Variants in SLC25A12 observed in about 807,000 individuals in gnomAD.
SLC25A12 encodes solute carrier family 25 member 12.
In SLC25A12, 32 loss-of-function variants were observed where a neutral mutation model predicts 83.3. The ratio of observed to expected loss-of-function variants is 0.38; its 90% CI spans 0.29 to 0.52. The LOEUF (loss-of-function observed/expected upper bound fraction) is 0.52. Ranked by LOEUF, SLC25A12 falls within the 20% of genes least tolerant of loss-of-function variation. The probability of loss-of-function intolerance (pLI) is 0.84; values close to 1 mark genes in which losing one functional copy is unlikely to be tolerated. For synonymous variants in SLC25A12, 267 were observed against 291.1 expected, an observed-to-expected ratio of 0.92 and a Z score of 0.84; for missense variants, 611 against 835.6, an observed-to-expected ratio of 0.73 and a Z score of 3.31.
intron 8 of SLC25A12, among the ~76,000 whole-genome samples, chr2:171,833,317 T>A (rs553639468): frequency 2.0e-5 from 3 of 152,132 alleles, no homozygotes; most frequent in Non-Finnish European, 4.4e-5. Context: ...TTTATGAAGA[T>A]CACGTCTCTC....
intron 2 of SLC25A12, among the ~76,000 whole-genome samples, chr2:171,877,817 A>G (rs1172650345): frequency 6.6e-6 from 1 of 152,098 alleles, no homozygotes; most frequent in Non-Finnish European, 1.5e-5. Flanking sequence ...AAGCCCAAAC[A>G]CTCTAAATGA....
At chr2:171,827,375 G>T (rs1202219368) in intron 8 of SLC25A12, among the ~76,000 whole-genome samples, 1 of 152,074 alleles carries the variant, frequency 6.6e-6, no homozygotes, top group East Asian at 1.9e-4. Flanking sequence ...AGGAGAATAG[G>T]GTCTGGAGAC....
At position 171,856,658 on chromosome 2, in the gene SLC25A12, CT is replaced by C. The variant is rs1685052445; in HGVS notation, c.210-710del. Reference sequence around the variant, plus strand: ...CATTCCAATTTTATTATATGTGCTGCTGAGGCAAGCACAGGGAATCTCAATC... The same window carrying C: ...CATTCCAATTTTATTATATGTGCTGCGAGGCAAGCACAGGGAATCTCAATC... On this transcript the variant is annotated intron_variant, in intron 3 of 17. Coordinates refer to ENST00000422440, the MANE Select transcript of SLC25A12 (RefSeq NM_003705.5). 6 of 152,024 alleles carry C rather than the reference CT, an allele frequency of 3.9e-5. No individual in the cohort carries two copies. In the South Asian group the frequency reaches 1.2e-3, roughly 32 times the overall value. The allele number at this position is 152,024 out of a possible 1,614,324, so 9.4% of individuals were successfully genotyped here.
chr2:171,803,810 T>TACACACACAC (rs57628850), intron 13 of SLC25A12, among the ~76,000 whole-genome samples: 2 of 148,426 alleles, frequency 1.3e-5, no homozygotes, highest in Admixed American at 6.7e-5. Context: ...TTTAAAAAAA[T>TACACACACAC]ACACACACAC....
At chr2:171,893,398 G>A (rs980450852) in intron 1 of SLC25A12, 140 bp from the exon 2 acceptor site, 2 of 788,438 alleles carry the variant, frequency 2.5e-6, no homozygotes, top group Non-Finnish European at 4.3e-6. Flanking sequence ...AGCCCTAATT[G>A]CTGATAAGAA....
In SLC25A12 at chr2:171,793,651, G is replaced by A. The variant is rs1198146278; in HGVS notation, c.1422C>T (p.Asp474=). ...PRVSALNVLR[D]LGIFGLYKGA... is the part of the protein sequence containing the mutation. ...CCTTATACAGACCAAAAATTCCCAA[G>A]TCCCGGAGCACATTCAGGGCGCTGA... Residue 474 remains aspartate, a synonymous_variant, in exon 14 of 18, where the codon GAC becomes GAT. Coordinates refer to ENST00000422440, the MANE Select transcript of SLC25A12 (RefSeq NM_003705.5). The A allele has an allele frequency of 3.7e-6, 6 of 1,613,950 alleles. No individual in the cohort carries two copies. Among genetic ancestry groups the A allele is most frequent in the Non-Finnish European group, 5.1e-6 (6 of 1,180,032 alleles).
At chr2:171,867,778 G>A (rs1685367862) in intron 3 of SLC25A12, among the ~76,000 whole-genome samples, 1 of 152,206 alleles carries the variant, frequency 6.6e-6, no homozygotes, top group Admixed American at 6.5e-5. Flanking sequence ...CAGCTCCTCT[G>A]TTTTTTAACA....
At position 171,815,344 on chromosome 2, in the gene SLC25A12, G is replaced by A. The variant is rs1054399471; in HGVS notation, c.931-142C>T. 4.5e-6 allele frequency: 3 copies of A among 662,888 alleles called. No individual in the cohort carries two copies. In the African/African-American group the frequency reaches 5.5e-5, roughly 12 times the overall value. The allele number at this position is 662,888 out of a possible 1,614,324, so 41.1% of individuals were successfully genotyped here. On this transcript the variant is annotated intron_variant, in intron 9 of 17. Transcript: ENST00000422440. ...TGCAGTAATATCTTTTCTAAAAGAA[G>A]AAAATAGGATATTCATGCAGCCAAA...
chr2:171,810,112 C>T (rs1683919101), intron 12 of SLC25A12, 112 bp downstream of exon 12: 2 of 898,398 alleles, frequency 2.2e-6, no homozygotes, highest in Admixed American at 3.5e-5. Flanking sequence ...CCTCCCACCA[C>T]CCAAAATGCT....
At position 171,844,437 on chromosome 2, in the gene SLC25A12, T is replaced by C; in HGVS notation, c.397A>G (p.Ile133Val). 1 of 1,613,660 alleles carries C rather than the reference T, an allele frequency of 6.2e-7. No homozygotes were observed. Among genetic ancestry groups the C allele is most frequent in the South Asian group, 1.1e-5 (1 of 91,072 alleles). Residue 133 changes from isoleucine to valine, a missense_variant, in exon 5 of 18, where the codon ATC becomes GTC. This residue lies in a region of SLC25A12 where 540 missense variants were observed against 777.5 expected (regional missense o/e 0.69). Coordinates refer to ENST00000422440, the MANE Select transcript of SLC25A12 (RefSeq NM_003705.5). ...HIPFNWDCEFIRLHFGHNRKK... is the reference protein window; with the variant it reads ...HIPFNWDCEFVRLHFGHNRKK... ...CGGTTATGCCCAAAATGCAGTCGGA[T>C]AAATTCACAATCCCAGTTAAAAGGG...
intron 5 of SLC25A12, among the ~76,000 whole-genome samples, chr2:171,844,042 C>T (rs1558928368): frequency 6.6e-6 from 1 of 152,118 alleles, no homozygotes; most frequent in Non-Finnish European, 1.5e-5. Flanking sequence ...GCCTCGGCCT[C>T]CCAAAGTGCT....
At chr2:171,817,600 CAA>C (rs71013076) in intron 9 of SLC25A12, among the ~76,000 whole-genome samples, 15 of 64,250 alleles carry the variant, frequency 2.3e-4, no homozygotes, top group African/African-American at 4.0e-4. Flanking sequence ...GACTCTGCCT[CAA>C]AAAAAAAAAA....
At chr2:171,833,821 T>C in intron 8 of SLC25A12, 142 bp downstream of exon 8, 1 of 573,862 alleles carries the variant, frequency 1.7e-6, no homozygotes, top group Non-Finnish European at 3.2e-6. Context: ...TCTGCTTGTC[T>C]TTCTTGGAAT....
Position 171,893,263 on chromosome 2 carries a change from A to G in SLC25A12, c.13-5T>C. ...CCCTCGCTTAGTTGTCTGCACCTGT[A>G]AGCAAAAAAGAAAAAAAAGCCAGTT... is the stretch of plus-strand genomic sequence containing the variant. On this transcript the variant is annotated splice_polypyrimidine_tract_variant and splice_region_variant and intron_variant, in intron 1 of 17. Coordinates refer to ENST00000422440, the MANE Select transcript of SLC25A12 (RefSeq NM_003705.5). 1.2e-6 allele frequency: 2 copies of G among 1,613,916 alleles called. No homozygotes were observed. Among genetic ancestry groups the G allele is most frequent in the South Asian group, 2.2e-5 (2 of 91,082 alleles).
At position 171,809,698 on chromosome 2, in the gene SLC25A12, G is replaced by A. The variant is rs578147544; in HGVS notation, c.1225-12C>T. The A allele has an allele frequency of 6.2e-7, 1 of 1,605,028 alleles. No homozygotes were observed. Among genetic ancestry groups the A allele is most frequent in the Admixed American group, 1.7e-5 (1 of 60,004 alleles). On this transcript the variant is annotated splice_polypyrimidine_tract_variant and intron_variant, in intron 12 of 17. Coordinates refer to ENST00000422440, the MANE Select transcript of SLC25A12 (RefSeq NM_003705.5). ...ACAAAATCATTAACCTAATTAGAAA[G>A]ACAACATCAGTTAACCAAAATTCCC...
chr2:171,785,987 A>G (rs943893206), intron 17 of SLC25A12, among the ~76,000 whole-genome samples: 13 of 152,056 alleles, frequency 8.5e-5, no homozygotes, highest in Admixed American at 8.5e-4. Flanking sequence ...AGCACATATG[A>G]AAGTAATTTT....
chr2:171,793,828 A>G, intron 13 of SLC25A12, 61 bp from the exon 14 acceptor site: 1 of 1,599,426 alleles, frequency 6.3e-7, no homozygotes, highest in South Asian at 1.1e-5. Context: ...GCAGCGTAAA[A>G]AAGGAAAATC....
At chr2:171,863,741 AAT>A (rs1311626506) in intron 3 of SLC25A12, among the ~76,000 whole-genome samples, 2 of 152,178 alleles carry the variant, frequency 1.3e-5, no homozygotes, top group African/African-American at 2.4e-5. Flanking sequence ...AAAAGAGCTA[AAT>A]ATATATGTTA....
chr2:171,860,945 A>G lies in SLC25A12; in HGVS notation c.210-4996T>C, dbSNP rs79511329. 1.7e-3 allele frequency among the ~76,000 whole-genome samples: 260 copies of G among 152,034 alleles called. 1 individual carries two copies. The highest frequency in any genetic ancestry group is 6.1e-3 in the African/African-American group (251 of 41,482). ...AAAAATACCAAAATAAATAAAAATTAGCTGTGCATGAGGCAGGCGCCTGTG... is the reference window on the plus strand; with the variant it reads ...AAAAATACCAAAATAAATAAAAATTGGCTGTGCATGAGGCAGGCGCCTGTG... On this transcript the variant is annotated intron_variant, in intron 3 of 17. Coordinates refer to ENST00000422440, the MANE Select transcript of SLC25A12 (RefSeq NM_003705.5).
Sources: gnomAD v4.1 joint callset for allele counts (sites outside exome capture counted in the v4.1 genomes callset) on GRCh38, gnomAD v4.1.1 for gene constraint, gnomAD v4.1.1 regional missense constraint, MANE v1.5 for transcripts, NCBI Gene and HGNC (gene_info 2026-07-23, HGNC 2026-07-21) for gene names.